MAK: variants seen among roughly 807,000 people sequenced by gnomAD.
MAK encodes the protein serine/threonine-protein kinase MAK.
In MAK, 65 loss-of-function variants were observed where a neutral mutation model predicts 82.6. The observed-to-expected ratio is 0.79, with a 90% CI of 0.64 to 0.97. The LOEUF (loss-of-function observed/expected upper bound fraction) is 0.97, where lower values mean the gene tolerates loss of function less well. Ranked by LOEUF, MAK falls within the 50% of genes least tolerant of loss-of-function variation. The pLI is 0.00. For missense variants in MAK, 703 were observed against 780.2 expected (o/e 0.90, Z 1.18); for synonymous variants, 250 against 274.2 (o/e 0.91, Z 0.87).
chr6:10,773,927 C>T (rs773348182), intron 12 of MAK, among the ~76,000 whole-genome samples: 11 of 152,028 alleles, frequency 7.2e-5, no homozygotes, highest in South Asian at 2.1e-4. Flanking sequence ...TCTCGAACTC[C>T]GGACCTTGTG....
intron 11 of MAK, among the ~76,000 whole-genome samples, chr6:10,775,792 G>A (rs539908586): frequency 2.0e-5 from 3 of 151,908 alleles, no homozygotes; most frequent in African/African-American, 7.2e-5. Flanking sequence ...TTTTTGTTTT[G>A]TTTTGTTTTG....
chr6:10,803,604 G>T, intron 7 of MAK, 116 bp downstream of exon 7: 2 of 797,020 alleles, frequency 2.5e-6, no homozygotes, highest in Non-Finnish European at 4.1e-6. Flanking sequence ...ATTTCAAAAT[G>T]AAAATATCAG....
intron 10 of MAK, among the ~76,000 whole-genome samples, chr6:10,785,274 T>C (rs1208398742): frequency 6.6e-6 from 1 of 152,072 alleles, no homozygotes; most frequent in Non-Finnish European, 1.5e-5. Flanking sequence ...TGAGGCCTGT[T>C]TGACCAGGCA....
At chr6:10,805,480 G>C (rs1230395241) in intron 6 of MAK, among the ~76,000 whole-genome samples, 1 of 151,508 alleles carries the variant, frequency 6.6e-6, no homozygotes, top group Non-Finnish European at 1.5e-5. Context: ...TCAGCTACTC[G>C]AGAGGCTGAG....
rs1162212704 is a variant in MAK at position 10,800,609 on chromosome 6, G to A, written c.831+1283C>T. Among the ~76,000 whole-genome samples, 1 of 152,050 alleles carries A rather than the reference G, an allele frequency of 6.6e-6. No homozygotes were observed. Among genetic ancestry groups the A allele is most frequent in the Admixed American group, 6.6e-5 (1 of 15,256 alleles). On this transcript the variant is annotated intron_variant, in intron 8 of 14. Coordinates refer to ENST00000354489, the MANE Select transcript of MAK (RefSeq NM_001242957.3). The surrounding 1 kb of genome is among the most constrained non-coding windows in gnomAD (Gnocchi z 4.2). The stretch of plus-strand genomic sequence containing the variant: ...AATCCCAGCACTTTGGGAGGCCAAG[G>A]AGGGCAGATCACCTGAGGTTGGGAG...
intron 11 of MAK, among the ~76,000 whole-genome samples, chr6:10,782,259 C>CA (rs1774069847): frequency 6.6e-6 from 1 of 151,088 alleles, no homozygotes; most frequent in African/African-American, 2.4e-5. Flanking sequence ...CAGACACACA[C>CA]CAAAACTATT....
chr6:10,805,070 C>CGGGGGG (rs60993333), intron 6 of MAK, among the ~76,000 whole-genome samples: 5 of 100,220 alleles, frequency 5.0e-5, no homozygotes, highest in African/African-American at 2.1e-4. Flanking sequence ...ATGTGTGTGT[C>CGGGGGG]GGGGGGGGGG....
At chr6:10,770,961 G>A (rs1772959231) in intron 13 of MAK, among the ~76,000 whole-genome samples, 1 of 152,126 alleles carries the variant, frequency 6.6e-6, no homozygotes, top group Non-Finnish European at 1.5e-5. Context: ...GGAGGTGGTA[G>A]GGAAAGAGGG....
intron 1 of MAK, among the ~76,000 whole-genome samples, chr6:10,834,089 C>A (rs1306767447): frequency 2.0e-5 from 3 of 152,014 alleles, no homozygotes; most frequent in East Asian, 3.9e-4. Flanking sequence ...AAATATATTT[C>A]TTCTCATTTA....
chr6:10,819,732 A>G (rs745457498), intron 2 of MAK, among the ~76,000 whole-genome samples: 52 of 152,300 alleles, frequency 3.4e-4, no homozygotes, highest in African/African-American at 1.1e-3. Context: ...TATTTCCACT[A>G]TATACACCAG....
At chr6:10,814,942 C>G (rs1777344273) in intron 4 of MAK, among the ~76,000 whole-genome samples, 1 of 151,262 alleles carries the variant, frequency 6.6e-6, no homozygotes, top group South Asian at 2.1e-4. Context: ...GAGGCTGAGG[C>G]AGAAAAATCG....
intron 14 of MAK, among the ~76,000 whole-genome samples, chr6:10,766,787 AG>A (rs1772480824): frequency 6.6e-6 from 1 of 152,198 alleles, no homozygotes; most frequent in African/African-American, 2.4e-5. Context: ...TCTGAGGGCA[AG>A]AAGTGAGAGC....
Position 10,784,644 on chromosome 6 carries a change from G to GCCCACCCTCTGCACATCTCA in MAK, c.1317-73_1317-72insTGAGATGTGCAGAGGGTGGG, listed in dbSNP as rs1561946689. On this transcript the variant is annotated intron_variant, in intron 10 of 14. Transcript: ENST00000354489. ...ATCTCGCCCACCCTCTGCACATCTCGCCCACCCTCTGCACATCTTCCTAAG... is the reference window on the plus strand; with the variant it reads ...ATCTCGCCCACCCTCTGCACATCTCGCCCACCCTCTGCACATCTCACCCACCCTCTGCACATCTTCCTAAG... 9.4e-6 allele frequency: 13 copies of GCCCACCCTCTGCACATCTCA among 1,376,018 alleles called. No homozygotes were observed. The East Asian group carries it at 1.6e-4, about 17-fold the overall frequency. The allele number at this position is 1,376,018 out of a possible 1,614,324, so 85.2% of individuals were successfully genotyped here. A position where few individuals can be genotyped will look rare whatever the true frequency, so the allele number is the denominator to read the frequency against.
At chr6:10,774,250 A>AAGTT (rs3064114) in intron 12 of MAK, among the ~76,000 whole-genome samples, 121,358 of 151,686 alleles carry the variant, frequency 0.8, 48,932 homozygotes, top group African/African-American at 0.9. Flanking sequence ...ATACTGTACA[A>AAGTT]AGTTATAATT....
chr6:10,813,445 G>C (rs1046699228), intron 5 of MAK, among the ~76,000 whole-genome samples, 199 bp downstream of exon 5: 1 of 151,464 alleles, frequency 6.6e-6, no homozygotes, highest in African/African-American at 2.4e-5. Flanking sequence ...GTGAGCCACC[G>C]TGCCAGCCAG....
chr6:10,817,129 A>AGAGTGTGT (rs1554184781), intron 4 of MAK, among the ~76,000 whole-genome samples: 5 of 149,840 alleles, frequency 3.3e-5, no homozygotes, highest in African/African-American at 4.9e-5. Context: ...CTTGAGCGAG[A>AGAGTGTGT]GTGTGTGTGT....
At chr6:10,796,880 G>T (rs1400963866) in intron 8 of MAK, among the ~76,000 whole-genome samples, 1 of 151,076 alleles carries the variant, frequency 6.6e-6, no homozygotes, top group African/African-American at 2.4e-5. Flanking sequence ...AAGCAAAACA[G>T]CTGTTCTATT....
chr6:10,791,980 A>G (rs2127542844), intron 9 of MAK, 133 bp from the exon 10 acceptor site: 2 of 908,522 alleles, frequency 2.2e-6, no homozygotes, highest in East Asian at 5.0e-5. Context: ...GGCATAACAT[A>G]TATACACATT....
intron 10 of MAK, 175 bp from the exon 11 acceptor site, chr6:10,784,747 T>TA (rs1774372561): frequency 1.5e-6 from 1 of 689,008 alleles, no homozygotes; most frequent in East Asian, 2.7e-5. Context: ...CCCGCGTAGA[T>TA]ATTGGGTCGT....
Sources: gnomAD v4.1 joint callset for allele counts (sites outside exome capture counted in the v4.1 genomes callset) on GRCh38, gnomAD v4.1.1 for gene constraint, Gnocchi (gnomAD v3.1) non-coding constraint, MANE v1.5 for transcripts, NCBI Gene and HGNC (gene_info 2026-07-23, HGNC 2026-07-21) for gene names.